Variants in CACNA1C observed in about 807,000 individuals in gnomAD.
CACNA1C encodes calcium voltage-gated channel subunit alpha1 C.
In CACNA1C, 30 loss-of-function variants were observed where a neutral mutation model predicts 229.0. That is an observed-to-expected ratio of 0.13 (90% CI 0.10 to 0.18). The LOEUF (loss-of-function observed/expected upper bound fraction) is 0.18, where lower values mean the gene tolerates loss of function less well. Among genes scored for constraint, CACNA1C ranks in the 10% least tolerant of loss-of-function variants. CACNA1C has a pLI of 1.00. For missense variants in CACNA1C, 1,658 were observed against 2,845.0 expected (o/e 0.58, Z 9.49); for synonymous variants, 1,114 against 1,132.5 (o/e 0.98, Z 0.33).
At chr12:2,510,681 T>G (rs1301375875) in intron 8 of CACNA1C, among the ~76,000 whole-genome samples, 1 of 152,148 alleles carries the variant, frequency 6.6e-6, no homozygotes, top group African/African-American at 2.4e-5. Context: ...TAACCAGAAC[T>G]TGAACCCTCT....
chr12:2,314,453 C>G (rs369959355), intron 3 of CACNA1C, among the ~76,000 whole-genome samples: 1 of 152,194 alleles, frequency 6.6e-6, no homozygotes, highest in African/African-American at 2.4e-5. Flanking sequence ...TCGCCAGCAC[C>G]CGGGTCAAGA....
At chr12:1,987,754 T>C (rs985357021) in intron 1 of CACNA1C, among the ~76,000 whole-genome samples, 3 of 152,214 alleles carry the variant, frequency 2.0e-5, no homozygotes, top group African/African-American at 7.2e-5. Flanking sequence ...TCCAATATAA[T>C]GCTTTCATAT....
chr12:2,114,810 C>T (rs2083187096), intron 1 of CACNA1C, among the ~76,000 whole-genome samples: 1 of 152,214 alleles, frequency 6.6e-6, no homozygotes, highest in African/African-American at 2.4e-5. Flanking sequence ...GCTCATTTTC[C>T]TCCTCACCTT....
At chr12:2,141,435 C>G (rs762805369) in intron 3 of CACNA1C, among the ~76,000 whole-genome samples, 6 of 151,224 alleles carry the variant, frequency 4.0e-5, no homozygotes, top group Admixed American at 2.7e-4. Context: ...GAAGGGAAGT[C>G]GGTCATGGAA....
At position 2,029,266 on chromosome 12, in the gene CACNA1C, T is replaced by C. The variant is rs1212063198; in HGVS notation, c.139+58065T>C. Among the ~76,000 whole-genome samples the C allele has an allele frequency of 6.6e-6, 1 of 152,224 alleles. No individual in the cohort carries two copies. The highest frequency in any genetic ancestry group is 1.5e-5 in the Non-Finnish European group (1 of 68,038). On this transcript the variant is annotated intron_variant, in intron 1 of 46. Transcript: ENST00000682462. This position sits in a 1 kb window ranked among gnomAD's most constrained non-coding sequence, Gnocchi z 4.9. The stretch of plus-strand genomic sequence containing the variant: ...GGCCAATATGTTGATGCTGCATTTA[T>C]AAATTTTTAAAAATTGAGGTGTGAT...
chr12:2,582,787 G>T, intron 14 of CACNA1C, 35 bp from the exon 15 acceptor site: 2 of 1,611,982 alleles, frequency 1.2e-6, no homozygotes. Flanking sequence ...TTGGTCTAAC[G>T]CTGTGTCCCT....
chr12:2,246,194 A>T (rs1400788550), intron 3 of CACNA1C, among the ~76,000 whole-genome samples: 1 of 152,154 alleles, frequency 6.6e-6, no homozygotes, highest in African/African-American at 2.4e-5. Context: ...AGTTAAGGTG[A>T]ACAGTGCCCA....
chr12:2,405,874 C>G (rs148594012), intron 3 of CACNA1C, among the ~76,000 whole-genome samples: 183 of 152,298 alleles, frequency 1.2e-3, no homozygotes, highest in Non-Finnish European at 2.4e-3. Flanking sequence ...CCTGATAACC[C>G]AAGATTCCTT....
intron 3 of CACNA1C, among the ~76,000 whole-genome samples, chr12:2,271,572 A>G (rs1383164612): frequency 2.0e-5 from 3 of 152,196 alleles, no homozygotes; most frequent in African/African-American, 4.8e-5. Flanking sequence ...AATAGTGTCT[A>G]TGGTAGGGAA....
chr12:2,522,722 G>T (rs1026905293), intron 9 of CACNA1C, among the ~76,000 whole-genome samples: 3 of 152,104 alleles, frequency 2.0e-5, no homozygotes, highest in African/African-American at 7.2e-5. Flanking sequence ...GGCTCTCCTG[G>T]GCTGGGGGGC....
At chr12:2,661,338 CAAAT>C (rs2153693941) in intron 34 of CACNA1C, among the ~76,000 whole-genome samples, 1 of 149,658 alleles carries the variant, frequency 6.7e-6, no homozygotes, top group African/African-American at 2.4e-5. Context: ...GAGTAGCAGA[CAAAT>C]AATATCAGAC....
intron 3 of CACNA1C, among the ~76,000 whole-genome samples, chr12:2,437,258 A>T (rs1443569155): frequency 6.6e-6 from 1 of 152,178 alleles, no homozygotes; most frequent in Non-Finnish European, 1.5e-5. Context: ...GTAGGGGAAG[A>T]GTGGGGAGGC....
chr12:2,114,568 G>T (rs1596253354), intron 1 of CACNA1C, among the ~76,000 whole-genome samples: 1 of 152,310 alleles, frequency 6.6e-6, no homozygotes, highest in East Asian at 1.9e-4. Context: ...GGCCCCTCCT[G>T]GTCAACCAAC....
intron 3 of CACNA1C, among the ~76,000 whole-genome samples, chr12:2,392,170 C>T (rs986534144): frequency 3.3e-5 from 5 of 152,090 alleles, no homozygotes; most frequent in Non-Finnish European, 7.4e-5. Context: ...GCATTTTTTC[C>T]AGGCATTGAC....
At chr12:2,330,033 A>G (rs922705745) in intron 3 of CACNA1C, among the ~76,000 whole-genome samples, 1 of 152,244 alleles carries the variant, frequency 6.6e-6, no homozygotes, top group Non-Finnish European at 1.5e-5. Flanking sequence ...AGTGTGGTGA[A>G]GAAGGCCACA....
intron 1 of CACNA1C, among the ~76,000 whole-genome samples, chr12:2,114,702 T>C (rs2083139289): frequency 1.3e-5 from 2 of 152,222 alleles, no homozygotes. Flanking sequence ...TGAATCATAC[T>C]CCAGTTCATT....
At chr12:2,172,179 C>A (rs2096510123) in intron 3 of CACNA1C, among the ~76,000 whole-genome samples, 1 of 152,168 alleles carries the variant, frequency 6.6e-6, no homozygotes, top group African/African-American at 2.4e-5. Context: ...ACACACAGGA[C>A]CTGAAGCAAC....
intron 1 of CACNA1C, among the ~76,000 whole-genome samples, chr12:1,981,889 G>T (rs562038398): frequency 2.6e-5 from 4 of 152,264 alleles, no homozygotes; most frequent in Admixed American, 2.6e-4. Context: ...ATATTTAAAA[G>T]CATGCAGGTA....
chr12:2,485,923 C>T lies in CACNA1C; in HGVS notation c.758-181C>T, dbSNP rs542841303. Among the ~76,000 whole-genome samples the T allele has an allele frequency of 9.8e-5, 15 of 152,334 alleles. No homozygotes were observed. In the South Asian group the frequency reaches 2.7e-3, roughly 27 times the overall value. ...CTCCAAGACAGATTTGGAGTGAGGC[C>T]AACCTGGATTTAGACCCCTGCACCA... On this transcript the variant is annotated intron_variant, in intron 5 of 46. Transcript: ENST00000399655.
Sources: gnomAD v4.1 joint callset for allele counts (sites outside exome capture counted in the v4.1 genomes callset) on GRCh38, gnomAD v4.1.1 for gene constraint, Gnocchi (gnomAD v3.1) non-coding constraint, MANE v1.5 for transcripts, NCBI Gene and HGNC (gene_info 2026-07-23, HGNC 2026-07-21) for gene names.